The following FAM193A variants were observed in gnomAD, a reference collection of about 807,000 sequenced individuals.
FAM193A encodes the protein protein FAM193A.
FAM193A carries 22 observed loss-of-function variants against 126.5 expected under a neutral mutation model. That is an observed-to-expected ratio of 0.17 (90% CI 0.12 to 0.25). The LOEUF (loss-of-function observed/expected upper bound fraction) is 0.25, where lower values mean the gene tolerates loss of function less well. FAM193A is among the 10% of genes least tolerant of loss of function. The pLI is 1.00. For missense variants in FAM193A, 1,675 were observed against 1,672.8 expected, an observed-to-expected ratio of 1.00 and a Z score of -0.02; for synonymous variants, 761 against 646.8, an observed-to-expected ratio of 1.18 and a Z score of -2.68.
intron 5 of FAM193A, among the ~76,000 whole-genome samples, chr4:2,632,772 G>C (rs955618831): frequency 6.6e-6 from 1 of 152,114 alleles, no homozygotes; most frequent in East Asian, 1.9e-4. Flanking sequence ...CTGGTACCTC[G>C]TCCTTCCTCT....
intron 16 of FAM193A, 109 bp downstream of exon 16, chr4:2,693,983 G>A (rs1446446473): frequency 2.1e-5 from 25 of 1,186,450 alleles, no homozygotes; most frequent in Non-Finnish European, 2.7e-5. Context: ...GAAAAGTCTA[G>A]TGAAATGCCG....
At chr4:2,729,873 A>G (rs1721184251) in intron 20 of FAM193A, among the ~76,000 whole-genome samples, 1 of 152,084 alleles carries the variant, frequency 6.6e-6, no homozygotes, top group Non-Finnish European at 1.5e-5. Flanking sequence ...CAGCCTCCCA[A>G]AGTGCTGGGA....
chr4:2,715,331 T>C (rs1719425854), intron 19 of FAM193A: 2 of 160,346 alleles, frequency 1.2e-5, no homozygotes, highest in Admixed American at 6.5e-5. Flanking sequence ...GGCATGGTGG[T>C]GTGCACGTTT....
At chr4:2,695,236 G>T in intron 17 of FAM193A, 107 bp downstream of exon 17, 1 of 871,442 alleles carries the variant, frequency 1.1e-6, no homozygotes, top group Non-Finnish European at 1.6e-6. Context: ...CCACTTCTAG[G>T]GTATATCCAT....
At chr4:2,582,807 C>T (rs961314584) in intron 1 of FAM193A, among the ~76,000 whole-genome samples, 9 of 152,024 alleles carry the variant, frequency 5.9e-5, no homozygotes, top group Non-Finnish European at 1.0e-4. Context: ...GTTTGAAATT[C>T]TGTCTTAAGT....
chr4:2,593,420 C>T (rs1204906827), intron 1 of FAM193A, among the ~76,000 whole-genome samples: 5 of 152,222 alleles, frequency 3.3e-5, no homozygotes, highest in Non-Finnish European at 5.9e-5. Context: ...ATGTCGGCTT[C>T]GGGGGTCTCC....
chr4:2,679,629 C>T (rs1338646071), intron 13 of FAM193A, among the ~76,000 whole-genome samples: 3 of 151,766 alleles, frequency 2.0e-5, no homozygotes, highest in East Asian at 3.9e-4. Context: ...CCACCCGCCT[C>T]GGTCTCCCAA....
chr4:2,669,756 T>C (rs1031557674), intron 12 of FAM193A, among the ~76,000 whole-genome samples: 1 of 152,232 alleles, frequency 6.6e-6, no homozygotes, highest in African/African-American at 2.4e-5. Context: ...ACCAGAGTGT[T>C]ACTCTTGTTA....
At chr4:2,640,908 T>G (rs1744556104) in intron 6 of FAM193A, among the ~76,000 whole-genome samples, 1 of 150,214 alleles carries the variant, frequency 6.7e-6, no homozygotes, top group Non-Finnish European at 1.5e-5. Context: ...GAGGTTGCAG[T>G]GAGCCAAGAG....
At chr4:2,636,271 G>C (rs895762560) in intron 5 of FAM193A, among the ~76,000 whole-genome samples, 10 of 151,968 alleles carry the variant, frequency 6.6e-5, no homozygotes, top group African/African-American at 2.4e-4. Flanking sequence ...CACTGTGTTA[G>C]CCAGGATGGT....
intron 1 of FAM193A, among the ~76,000 whole-genome samples, chr4:2,560,533 C>T (rs1738547971): frequency 6.6e-6 from 1 of 152,146 alleles, no homozygotes; most frequent in Non-Finnish European, 1.5e-5. Flanking sequence ...TCCCTCTTCA[C>T]CTTTCTTTGG....
At chr4:2,565,281 G>C (rs1279124754) in intron 1 of FAM193A, among the ~76,000 whole-genome samples, 1 of 10,928 alleles carries the variant, frequency 9.2e-5, no homozygotes, top group Admixed American at 8.4e-4. Context: ...TTTTTTAAAA[G>C]ATGCAGTCTC....
At chr4:2,592,769 A>G (rs1740642679) in intron 1 of FAM193A, among the ~76,000 whole-genome samples, 1 of 152,168 alleles carries the variant, frequency 6.6e-6, no homozygotes, top group African/African-American at 2.4e-5. Flanking sequence ...AGGGGAAGGA[A>G]GAGCTCTGCA....
chr4:2,552,846 TC>T (rs776103037), intron 1 of FAM193A, among the ~76,000 whole-genome samples: 1 of 138,312 alleles, frequency 7.2e-6, no homozygotes, highest in Non-Finnish European at 1.6e-5. Flanking sequence ...CACAGAACTT[TC>T]TTTTTTTTTT....
chr4:2,569,780 T>C (rs1256114577), intron 1 of FAM193A, among the ~76,000 whole-genome samples: 6 of 152,208 alleles, frequency 3.9e-5, no homozygotes, highest in Non-Finnish European at 5.9e-5. Flanking sequence ...GTTAGAATTA[T>C]GATTGTAATC....
At chr4:2,537,491 G>C (rs950698536) in intron 1 of FAM193A, among the ~76,000 whole-genome samples, 1 of 152,222 alleles carries the variant, frequency 6.6e-6, no homozygotes, top group East Asian at 1.9e-4. Flanking sequence ...GGGCGGGGAC[G>C]TCTCCGGGGT....
intron 2 of FAM193A, among the ~76,000 whole-genome samples, chr4:2,613,558 A>G (rs867925722): frequency 5.3e-5 from 8 of 151,510 alleles, no homozygotes; most frequent in East Asian, 1.9e-4. Context: ...GGTTCAAGCA[A>G]TTATCCTGCC....
chr4:2,661,146 C>A (rs1292238318), intron 10 of FAM193A, among the ~76,000 whole-genome samples: 1 of 152,106 alleles, frequency 6.6e-6, no homozygotes, highest in Non-Finnish European at 1.5e-5. Context: ...GCTGTGGGAG[C>A]CTTTCTCCTT....
At chr4:2,577,422 G>GTTTTTTTTTGTT (rs1553888657) in intron 1 of FAM193A, among the ~76,000 whole-genome samples, 12 of 115,570 alleles carry the variant, frequency 1.0e-4, no homozygotes, top group South Asian at 3.0e-4. Context: ...TTTTTTTTTT[G>GTTTTTTTTTGTT]TTTTTTTTTT....
Sources: gnomAD v4.1 joint callset for allele counts (sites outside exome capture counted in the v4.1 genomes callset) on GRCh38, gnomAD v4.1.1 for gene constraint, MANE v1.5 for transcripts, NCBI Gene and HGNC (gene_info 2026-07-23, HGNC 2026-07-21) for gene names.